The following ANKDD1B variants were observed in gnomAD, a reference collection of about 807,000 sequenced individuals.
ANKDD1B encodes the protein ankyrin repeat and death domain-containing protein 1B.
Under a neutral mutation model 59.7 loss-of-function variants are expected in ANKDD1B, and 57 were observed. That is an observed-to-expected ratio of 0.95 (90% CI 0.77 to 1.19). The LOEUF (loss-of-function observed/expected upper bound fraction) is 1.19. Ranked by LOEUF, ANKDD1B falls within the 50% of genes most tolerant of loss-of-function variation. The pLI is 0.00. For synonymous variants in ANKDD1B, 216 were observed against 239.5 expected (o/e 0.90, Z 0.91); for missense variants, 602 against 641.9 (o/e 0.94, Z 0.67).
At chr5:75,663,364 A>G in intron 10 of ANKDD1B, 30 bp from the exon 11 acceptor site, 6 of 1,496,516 alleles carry the variant, frequency 4.0e-6, no homozygotes, top group Non-Finnish European at 5.4e-6. Flanking sequence ...AGGCCATATC[A>G]CCTGAATTTT....
chr5:75,650,003 A>G (rs1312339856), intron 7 of ANKDD1B, among the ~76,000 whole-genome samples: 1 of 152,198 alleles, frequency 6.6e-6, no homozygotes, highest in Non-Finnish European at 1.5e-5. Flanking sequence ...TGTGGAATGG[A>G]TAAAATAATA....
intron 10 of ANKDD1B, among the ~76,000 whole-genome samples, chr5:75,661,331 AG>A (rs1775135628): frequency 7.8e-6 from 1 of 127,754 alleles, no homozygotes. Flanking sequence ...CGGAAGGCGG[AG>A]GTTGCAGTGA....
intron 5 of ANKDD1B, among the ~76,000 whole-genome samples, chr5:75,626,820 C>T (rs1422268656): frequency 6.6e-6 from 1 of 151,406 alleles, no homozygotes; most frequent in Admixed American, 6.6e-5. Flanking sequence ...TTTCTTCATA[C>T]AGGAGTAGCT....
chr5:75,619,337 C>T (rs1001677099), intron 2 of ANKDD1B, among the ~76,000 whole-genome samples: 2 of 152,222 alleles, frequency 1.3e-5, no homozygotes, highest in Admixed American at 6.5e-5. Flanking sequence ...AACTTTGTAG[C>T]AAAGGATAAT....
chr5:75,643,499 A>G lies in ANKDD1B; in HGVS notation c.798+7617A>G, dbSNP rs1251246207. ...ATCAACTGGAAGAAAGGGTATCAGC[A>G]ATGGAAGATGAAATGAATGAAATGA... On this transcript the variant is annotated intron_variant, in intron 7 of 13. Transcript: ENST00000601380. Among the ~76,000 whole-genome samples, 84 of 38,928 alleles carry G rather than the reference A, an allele frequency of 2.2e-3. 15 individuals carry two copies. The highest frequency in any genetic ancestry group is 3.1e-3 in the Admixed American group (10 of 3,254). 25.5% of individuals were successfully genotyped at this position (38,928 alleles called of 152,430 possible). A position where few individuals can be genotyped will look rare whatever the true frequency, so the allele number is the denominator to read the frequency against.
intron 11 of ANKDD1B, among the ~76,000 whole-genome samples, chr5:75,665,909 A>C (rs1296032502): frequency 6.6e-6 from 1 of 152,102 alleles, no homozygotes; most frequent in African/African-American, 2.4e-5. Flanking sequence ...TATTTAAGTG[A>C]AAGACAAAAA....
rs192246223 is a variant in ANKDD1B, at chr5:75,653,225, G to C, written c.882G>C (p.Leu294=). The C allele has an allele frequency of 6.5e-7, 1 of 1,535,918 alleles. No homozygotes were observed. The highest frequency in any genetic ancestry group is 1.2e-5 in the South Asian group (1 of 84,050). ...VNFLLSENVD[L]HQKVEPKESP... is the part of the protein sequence containing the mutation. ...TTCTTCTCAGTGAGAACGTTGATCT[G>C]CACCAGAAAGTGGAAGTGAGTTTAT... is the stretch of plus-strand genomic sequence containing the variant. Residue 294 remains leucine, a synonymous_variant, in exon 8 of 14, where the codon CTG becomes CTC. Coordinates refer to ENST00000601380, the MANE Select transcript of ANKDD1B (RefSeq NM_001276713.2).
intron 7 of ANKDD1B, among the ~76,000 whole-genome samples, chr5:75,639,353 C>A (rs1445989596): frequency 6.6e-6 from 1 of 152,090 alleles, no homozygotes; most frequent in Non-Finnish European, 1.5e-5. Flanking sequence ...CATGCCACCA[C>A]GCCAGGCTAA....
intron 7 of ANKDD1B, among the ~76,000 whole-genome samples, chr5:75,643,174 C>T (rs1364831732): frequency 2.7e-5 from 2 of 73,264 alleles, no homozygotes; most frequent in East Asian, 3.5e-4. Context: ...ACTGGAAACT[C>T]TAAAACGCAG....
At chr5:75,661,414 A>AAAAAAAAAAAAAAAAAAAAAAAAAAAAG (rs1471501853) in intron 10 of ANKDD1B, among the ~76,000 whole-genome samples, 1 of 131,422 alleles carries the variant, frequency 7.6e-6, no homozygotes, top group African/African-American at 3.5e-5. Flanking sequence ...AAAAAAAAAA[A>AAAAAAAAAAAAAAAAAAAAAAAAAAAAG]AAAAAAAAAA....
rs1773563122 is a variant in ANKDD1B at position 75,611,734 on chromosome 5, G to A, written c.100G>A (p.Gly34Ser). 1 of 1,231,952 alleles carries A rather than the reference G, an allele frequency of 8.1e-7. No individual in the cohort carries two copies. Among genetic ancestry groups the A allele is most frequent in the Non-Finnish European group, 1.0e-6 (1 of 988,082 alleles). 76.3% of individuals were successfully genotyped at this position (1,231,952 alleles called of 1,614,324 possible). ...CAAGGGTCTCAGGGAAGACCTGTGG[G>A]GCGCGGCCGCCCTGCCTTGGAGGAG... ...AAKGLREDLW[G>S]AAALPWRSLS... is the part of the protein sequence containing the mutation. Residue 34 changes from glycine (G) to serine (S), a missense_variant, in exon 1 of 14, where the codon GGC (glycine) becomes AGC (serine). By Grantham distance (56) the Gly-to-Ser change is moderately conservative. Transcript: ENST00000601380.
At chr5:75,630,809 A>G (rs1000109648) in intron 5 of ANKDD1B, among the ~76,000 whole-genome samples, 1 of 152,112 alleles carries the variant, frequency 6.6e-6, no homozygotes, top group Non-Finnish European at 1.5e-5. Context: ...TTCTTTCTTC[A>G]TTTCTTAGCT....
At chr5:75,637,240 C>CAAAAAAAAAAAAAAAAAAAAAAAAA (rs55640131) in intron 7 of ANKDD1B, among the ~76,000 whole-genome samples, 48 of 69,928 alleles carry the variant, frequency 6.9e-4, no homozygotes, top group South Asian at 7.1e-4. Context: ...GACTCTGTCT[C>CAAAAAAAAAAAAAAAAAAAAAAAAA]AAAAAAAAAA....
At chr5:75,628,734 G>A (rs2112969824) in intron 5 of ANKDD1B, among the ~76,000 whole-genome samples, 1 of 152,284 alleles carries the variant, frequency 6.6e-6, no homozygotes, top group South Asian at 2.1e-4. Flanking sequence ...TTTGGGTGGG[G>A]AGAGATGGAG....
chr5:75,615,215 G>T (rs1773681038), intron 1 of ANKDD1B, among the ~76,000 whole-genome samples: 1 of 152,148 alleles, frequency 6.6e-6, no homozygotes, highest in Non-Finnish European at 1.5e-5. Context: ...AGAAGTTGTG[G>T]TCAAAGAATA....
intron 5 of ANKDD1B, among the ~76,000 whole-genome samples, chr5:75,631,005 G>T (rs138058198): frequency 3.9e-5 from 6 of 152,078 alleles, no homozygotes; most frequent in Admixed American, 3.3e-4. Context: ...GCCCAATCTC[G>T]AACCAATCAC....
Position 75,671,010 on chromosome 5 carries a change from C to T in ANKDD1B, c.1557C>T (p.Asp519=), listed in dbSNP as rs1321500482. 1.6e-6 allele frequency: 2 copies of T among 1,229,966 alleles called. No homozygotes were observed. Among genetic ancestry groups the T allele is most frequent in the African/African-American group, 3.1e-5 (2 of 64,358 alleles). 76.2% of individuals were successfully genotyped at this position (1,229,966 alleles called of 1,614,324 possible). A position where few individuals can be genotyped will look rare whatever the true frequency, so the allele number is the denominator to read the frequency against. The part of the protein sequence containing the change: ...EKTRHFKSKT[D]SNSKKCVVS The stretch of plus-strand genomic sequence containing the variant: ...CTCGTCATTTCAAAAGCAAAACTGA[C>T]TCAAACTCCAAGAAATGTGTAGTTT... Residue 519 remains aspartate, a synonymous_variant, in exon 14 of 14, where the codon GAC becomes GAT. Coordinates refer to ENST00000601380, the MANE Select transcript of ANKDD1B (RefSeq NM_001276713.2).
chr5:75,670,694 CTT>C (rs1775453519), intron 13 of ANKDD1B, among the ~76,000 whole-genome samples: 1 of 152,100 alleles, frequency 6.6e-6, no homozygotes, highest in Non-Finnish European at 1.5e-5. Context: ...CATAAGAACT[CTT>C]AGAGAAGATG....
At chr5:75,637,395 G>T in intron 7 of ANKDD1B, among the ~76,000 whole-genome samples, 1 of 151,422 alleles carries the variant, frequency 6.6e-6, no homozygotes, top group East Asian at 1.9e-4. Context: ...GTAACTTTTT[G>T]TCTGGCTGTT....
Sources: allele counts gnomAD v4.1 joint callset (sites outside exome capture counted in the v4.1 genomes callset), GRCh38; gene constraint gnomAD v4.1.1; transcripts MANE v1.5; gene names NCBI Gene and HGNC (gene_info 2026-07-23, HGNC 2026-07-21).